Variants in CCDC181 observed in about 807,000 individuals in gnomAD.
CCDC181 encodes the protein coiled-coil domain containing 181.
A neutral mutation model predicts 58.7 loss-of-function variants in CCDC181; 35 were observed. The ratio of observed to expected loss-of-function variants is 0.60; its 90% CI spans 0.46 to 0.79. The LOEUF is 0.79. Among genes scored for constraint, CCDC181 ranks in the 30% least tolerant of loss-of-function variants. The probability of loss-of-function intolerance (pLI) is 0.00; values close to 1 mark genes in which losing one functional copy is unlikely to be tolerated. For synonymous variants in CCDC181, 183 were observed against 197.5 expected (o/e 0.93, Z 0.62); for missense variants, 517 against 583.9 (o/e 0.89, Z 1.18).
At chr1:169,421,235 TAAC>T (rs1478686118) in intron 3 of CCDC181, 125 bp downstream of exon 3, 2 of 695,128 alleles carry the variant, frequency 2.9e-6, no homozygotes, top group Admixed American at 2.9e-5. Context: ...TTAATCAATC[TAAC>T]AATAGATAAA....
chr1:169,450,007 A>T (rs533656653), intron 2 of CCDC181, among the ~76,000 whole-genome samples: 3 of 152,236 alleles, frequency 2.0e-5, no homozygotes, highest in Non-Finnish European at 2.9e-5. Flanking sequence ...TAATTCAGTT[A>T]TGACAATAGA....
At chr1:169,396,074 AT>A (rs1655015743) in intron 5 of CCDC181, 2 of 152,192 alleles carry the variant, frequency 1.3e-5, no homozygotes, top group Admixed American at 1.3e-4. Context: ...TGAAAAGCAG[AT>A]TGCAGAAATA....
intron 4 of CCDC181, among the ~76,000 whole-genome samples, chr1:169,402,237 A>T (rs1485926966): frequency 6.6e-6 from 1 of 152,236 alleles, no homozygotes; most frequent in Non-Finnish European, 1.5e-5. Flanking sequence ...ACTCTTCTGG[A>T]TATGATCCAG....
At chr1:169,428,877 A>G (rs1015184858), upstream of CCDC181, among the ~76,000 whole-genome samples, 2 of 152,270 alleles carry the variant, frequency 1.3e-5, no homozygotes, top group South Asian at 4.1e-4. Flanking sequence ...CTGTTCTCCA[A>G]CAACTGAGCT....
At chr1:169,442,944 T>C (rs1010407389) in intron 2 of CCDC181, 3 of 151,986 alleles carry the variant, frequency 2.0e-5, no homozygotes, top group African/African-American at 7.2e-5. Flanking sequence ...TATAGTTATA[T>C]GCAGATTTCA....
intron 2 of CCDC181, among the ~76,000 whole-genome samples, chr1:169,433,184 C>T (rs1185464010): frequency 6.6e-6 from 1 of 151,680 alleles, no homozygotes; most frequent in African/African-American, 2.4e-5. Flanking sequence ...TTTCTATACA[C>T]TAATGATGAA....
intron 2 of CCDC181, among the ~76,000 whole-genome samples, chr1:169,454,895 A>C (rs1041691751): frequency 6.6e-6 from 1 of 151,898 alleles, no homozygotes; most frequent in Non-Finnish European, 1.5e-5. Flanking sequence ...ATGTTGTTTG[A>C]TTTACATACT....
chr1:169,447,638 G>A (rs531876138), intron 2 of CCDC181, among the ~76,000 whole-genome samples: 2 of 152,258 alleles, frequency 1.3e-5, no homozygotes, highest in Non-Finnish European at 2.9e-5. Context: ...GTTGAAGTTT[G>A]TAACTGTTAC....
At chr1:169,396,222 A>T (rs1655026232) in intron 5 of CCDC181, 1 of 152,178 alleles carries the variant, frequency 6.6e-6, no homozygotes, top group Non-Finnish European at 1.5e-5. Context: ...TACAATGCAC[A>T]TTTACTGTTT....
chr1:169,395,307 A>G, intron 5 of CCDC181, 101 bp from the exon 6 acceptor site: 3 of 1,013,926 alleles, frequency 3.0e-6, no homozygotes, highest in Non-Finnish European at 4.0e-6. Context: ...ACATTTCTTT[A>G]CAATGAAATA....
chr1:169,395,189 CG>C lies in CCDC181; in HGVS notation c.1387del (p.Arg463GlyfsTer20). ...RAFKQWLRRK[R>X]MEKMAEQQAV... Reference sequence around the variant, plus strand: ...TTGTTGCTCTGCCATTTTTTCCATCCGTTTCCTTCTTAACCATCTGTAGAAA... The same window carrying C: ...TTGTTGCTCTGCCATTTTTTCCATCCTTTCCTTCTTAACCATCTGTAGAAA... On this transcript the variant is annotated frameshift_variant, in exon 6 of 6. Transcript: ENST00000367806. LOFTEE classifies it high-confidence loss of function. 6.2e-7 allele frequency: 1 copy of C among 1,611,560 alleles called. No individual in the cohort carries two copies. The highest frequency in any genetic ancestry group is 8.5e-7 in the Non-Finnish European group (1 of 1,179,148).
upstream of CCDC181, among the ~76,000 whole-genome samples, chr1:169,430,153 C>T (rs1462987987): frequency 6.6e-6 from 1 of 152,034 alleles, no homozygotes; most frequent in Admixed American, 6.6e-5. Context: ...AGTCTATGTG[C>T]CTGTTTTTAT....
chr1:169,448,965 A>G (rs146020573), intron 2 of CCDC181, among the ~76,000 whole-genome samples: 12 of 152,256 alleles, frequency 7.9e-5, no homozygotes, highest in African/African-American at 2.9e-4. Flanking sequence ...CATCAAAGGC[A>G]TTCTTCACAT....
At chr1:169,412,127 AC>A (rs1655996895) in intron 4 of CCDC181, among the ~76,000 whole-genome samples, 1 of 152,072 alleles carries the variant, frequency 6.6e-6, no homozygotes, top group Non-Finnish European at 1.5e-5. Flanking sequence ...TGTTTAGAAA[AC>A]CCCATCATCT....
intron 2 of CCDC181, among the ~76,000 whole-genome samples, chr1:169,451,998 T>G (rs560480486): frequency 1.3e-4 from 20 of 151,956 alleles, no homozygotes; most frequent in Non-Finnish European, 2.8e-4. Context: ...AAGTTTAGAA[T>G]TCAGATAATA....
intron 4 of CCDC181, among the ~76,000 whole-genome samples, chr1:169,411,603 T>C (rs1655965892): frequency 6.6e-6 from 1 of 152,138 alleles, no homozygotes. Context: ...TTCAAGCCAA[T>C]ATCCCTGATG....
Position 169,449,306 on chromosome 1 carries a change from G to T in CCDC181, c.-24+10491C>A, listed in dbSNP as rs139983965. Reference sequence around the variant, plus strand: ...TTGTTTTAATATGGCTAGGAGGTGGGTTGTATTTGATGTTTGCTGAAGTTG... The same window carrying T: ...TTGTTTTAATATGGCTAGGAGGTGGTTTGTATTTGATGTTTGCTGAAGTTG... On this transcript the variant is annotated intron_variant, in intron 2 of 6. Transcript: ENST00000545005. Among the ~76,000 whole-genome samples, 538 of 152,250 alleles carry T rather than the reference G, an allele frequency of 3.5e-3. 3 individuals are homozygous for T. Among genetic ancestry groups the T allele is most frequent in the African/African-American group, 0.012 (500 of 41,542 alleles).
intron 2 of CCDC181, 76 bp from the exon 3 acceptor site, chr1:169,422,389 G>A: frequency 9.4e-7 from 1 of 1,058,788 alleles, no homozygotes; most frequent in East Asian, 2.5e-5. Flanking sequence ...GATTTTTCCT[G>A]TTCATGTAAT....
At position 169,398,816 on chromosome 1, in the gene CCDC181, TTGAC is replaced by T. The variant is rs376497790; in HGVS notation, c.1216-1429_1216-1426del. Among the ~76,000 whole-genome samples the T allele has an allele frequency of 3.8e-3, 576 of 152,298 alleles. 1 individual carries two copies. Among genetic ancestry groups the T allele is most frequent in the Middle Eastern group, 0.014 (4 of 294 alleles). ...TAAAAATAAGTGACTGACTGATTGA[TTGAC>T]TGATCTGTCTGATTCAAAAGAAAAT... On this transcript the variant is annotated intron_variant, in intron 4 of 5. Transcript: ENST00000367806.
Sources: gnomAD v4.1 joint callset for allele counts (sites outside exome capture counted in the v4.1 genomes callset) on GRCh38, gnomAD v4.1.1 for gene constraint, MANE v1.5 for transcripts, NCBI Gene and HGNC (gene_info 2026-07-23, HGNC 2026-07-21) for gene names.